FGF12: variants seen among roughly 807,000 people sequenced by gnomAD.
FGF12 encodes the protein fibroblast growth factor 12B.
A neutral mutation model predicts 23.6 loss-of-function variants in FGF12; 14 were observed. The observed-to-expected ratio is 0.59, with a 90% CI of 0.39 to 0.93. The LOEUF is 0.93. Ranked by LOEUF, FGF12 falls within the 40% of genes least tolerant of loss-of-function variation. The pLI, the probability that FGF12 is intolerant of heterozygous loss-of-function variation, is 0.00. For synonymous variants in FGF12, 62 were observed against 77.3 expected (o/e 0.80, Z 1.04); for missense variants, 175 against 217.8 (o/e 0.80, Z 1.24).
At chr3:192,578,664 CT>C (rs1247976378) in intron 2 of FGF12, among the ~76,000 whole-genome samples, 1 of 152,056 alleles carries the variant, frequency 6.6e-6, no homozygotes, top group Non-Finnish European at 1.5e-5. Context: ...CTGATCTTTA[CT>C]TGCTGGACAT....
At chr3:192,593,822 G>T (rs377367572) in intron 2 of FGF12, among the ~76,000 whole-genome samples, 1 of 151,696 alleles carries the variant, frequency 6.6e-6, no homozygotes, top group South Asian at 2.1e-4. Context: ...TGGCTCAAAC[G>T]GTAGAAGGCT....
chr3:192,555,860 A>G (rs1314881048), intron 2 of FGF12, among the ~76,000 whole-genome samples: 1 of 152,108 alleles, frequency 6.6e-6, no homozygotes, highest in Non-Finnish European at 1.5e-5. Context: ...ACGGGGAGAC[A>G]TTACAACTGA....
intron 2 of FGF12, among the ~76,000 whole-genome samples, chr3:192,511,737 A>G (rs1003138484): frequency 6.6e-6 from 1 of 152,178 alleles, no homozygotes; most frequent in African/African-American, 2.4e-5. Context: ...AAAAAGAATC[A>G]TAAGAGACCC....
At chr3:192,479,514 T>C (rs1262767960) in intron 2 of FGF12, among the ~76,000 whole-genome samples, 10 of 151,404 alleles carry the variant, frequency 6.6e-5, no homozygotes, top group Admixed American at 6.6e-5. Flanking sequence ...CCAAACAAAA[T>C]GATAAATGGA....
intron 2 of FGF12, among the ~76,000 whole-genome samples, chr3:192,427,107 G>A (rs1721710397): frequency 6.6e-6 from 1 of 152,012 alleles, no homozygotes; most frequent in African/African-American, 2.4e-5. Flanking sequence ...TGTAGGCTGG[G>A]CATGGTGGCT....
intron 2 of FGF12, among the ~76,000 whole-genome samples, chr3:192,581,692 A>G (rs1270394041): frequency 6.6e-6 from 1 of 151,986 alleles, no homozygotes; most frequent in African/African-American, 2.4e-5. Flanking sequence ...AAATGAAAAT[A>G]TTTTAGAGGA....
chr3:192,549,903 A>C (rs1213765024), intron 2 of FGF12, among the ~76,000 whole-genome samples: 1 of 152,112 alleles, frequency 6.6e-6, no homozygotes, highest in Admixed American at 6.6e-5. Flanking sequence ...CTTGGACAGA[A>C]GCTACACAAC....
chr3:192,669,602 T>TAAAAAAAAAAAAAAAAAAAA lies in FGF12; in HGVS notation c.13+57559_13+57578dup, dbSNP rs59897483. Among the ~76,000 whole-genome samples the TAAAAAAAAAAAAAAAAAAAA allele has an allele frequency of 5.9e-4, 35 of 59,526 alleles. 1 individual carries two copies. The highest frequency in any genetic ancestry group is 7.8e-4 in the Non-Finnish European group (25 of 31,930). 39.1% of individuals were successfully genotyped at this position (59,526 alleles called of 152,430 possible). ...CTGGAGACAGAGAAAGACTCTGTCT[T>TAAAAAAAAAAAAAAAAAAAA]AAAAAAAAAAAAAAAAAAAAAAAAA... is the stretch of plus-strand genomic sequence containing the variant. On this transcript the variant is annotated intron_variant, in intron 2 of 5. Transcript: ENST00000445105.
intron 5 of FGF12, among the ~76,000 whole-genome samples, chr3:192,169,835 GAA>G (rs71177351): frequency 0.076 from 10,631 of 139,734 alleles, 470 homozygotes; most frequent in African/African-American, 0.12. Context: ...GGTTTCCTCA[GAA>G]AAAAAAAAAC....
In FGF12 at chr3:192,140,346, G is replaced by A. The variant is rs1042200401; in HGVS notation, c.*3663C>T. On this transcript the variant is annotated 3_prime_UTR_variant, in exon 6 of 6. Coordinates refer to ENST00000445105, the MANE Select transcript of FGF12 (RefSeq NM_004113.6). ...ATGAGCAGGGAATTTTTATGTTTGTGTCTCATCTTGTGCAGATGAAATTAA... is the reference window on the plus strand; with the variant it reads ...ATGAGCAGGGAATTTTTATGTTTGTATCTCATCTTGTGCAGATGAAATTAA... 2 of 152,104 alleles carry A rather than the reference G, an allele frequency of 1.3e-5. No individual in the cohort carries two copies. Among genetic ancestry groups the A allele is most frequent in the Middle Eastern group, 3.4e-3 (1 of 294 alleles). 9.4% of individuals were successfully genotyped at this position (152,104 alleles called of 1,614,324 possible). A position where few individuals can be genotyped will look rare whatever the true frequency, so the allele number is the denominator to read the frequency against.
At chr3:192,719,910 G>A (rs113849392) in intron 2 of FGF12, among the ~76,000 whole-genome samples, 2 of 152,338 alleles carry the variant, frequency 1.3e-5, no homozygotes, top group African/African-American at 4.8e-5. Flanking sequence ...CTGTGTTGAG[G>A]TTTGTTCAAT....
At position 192,306,014 on chromosome 3, in the gene FGF12, A is replaced by G. The variant is rs1259539637; in HGVS notation, c.228+29347T>C. Among the ~76,000 whole-genome samples, 5 of 151,570 alleles carry G rather than the reference A, an allele frequency of 3.3e-5. No individual in the cohort carries two copies. The South Asian group carries it at 8.4e-4, about 25-fold the overall frequency. ...TAGCTGGGACTACAGGCGCCTGCCA[A>G]CACACCCGGCTAATTTTTTGTATTT... On this transcript the variant is annotated intron_variant, in intron 4 of 5. Coordinates refer to ENST00000445105, the MANE Select transcript of FGF12 (RefSeq NM_004113.6).
intron 2 of FGF12, among the ~76,000 whole-genome samples, chr3:192,692,078 C>T (rs1213595303): frequency 1.3e-5 from 2 of 152,044 alleles, no homozygotes; most frequent in African/African-American, 2.4e-5. Flanking sequence ...TTGAATTCTA[C>T]CAGACATTTA....
intron 4 of FGF12, among the ~76,000 whole-genome samples, chr3:192,189,665 C>A (rs1178788658): frequency 3.3e-5 from 5 of 152,130 alleles, no homozygotes; most frequent in Non-Finnish European, 7.4e-5. Flanking sequence ...AAAACAGCCA[C>A]ATGAAGAGGC....
At chr3:192,354,506 A>C (rs913684084) in intron 3 of FGF12, among the ~76,000 whole-genome samples, 1 of 152,156 alleles carries the variant, frequency 6.6e-6, no homozygotes, top group Non-Finnish European at 1.5e-5. Flanking sequence ...AAGGTAAATC[A>C]CAACAAAGAA....
intron 2 of FGF12, among the ~76,000 whole-genome samples, chr3:192,665,325 A>AT (rs1716825841): frequency 6.6e-6 from 1 of 152,194 alleles, no homozygotes; most frequent in African/African-American, 2.4e-5. Context: ...TGAACTACAG[A>AT]TAAGTCGAAG....
intron 2 of FGF12, among the ~76,000 whole-genome samples, chr3:192,575,586 TTG>T (rs1712838476): frequency 6.6e-6 from 1 of 152,212 alleles, no homozygotes; most frequent in Non-Finnish European, 1.5e-5. Flanking sequence ...GGCTTCCATA[TTG>T]AAGTCCTTTC....
intron 2 of FGF12, among the ~76,000 whole-genome samples, chr3:192,440,998 ATAAAT>A (rs1300050979): frequency 6.6e-6 from 1 of 152,222 alleles, no homozygotes; most frequent in Non-Finnish European, 1.5e-5. Context: ...CTTCAATCTG[ATAAAT>A]TAAATACTGT....
intron 2 of FGF12, among the ~76,000 whole-genome samples, chr3:192,382,143 T>A (rs980750882): frequency 6.6e-6 from 1 of 152,038 alleles, no homozygotes; most frequent in Non-Finnish European, 1.5e-5. Context: ...ACTACAGGCA[T>A]GTGCCAACAC....
Sources: allele counts gnomAD v4.1 joint callset (sites outside exome capture counted in the v4.1 genomes callset), GRCh38; gene constraint gnomAD v4.1.1; transcripts MANE v1.5; gene names NCBI Gene and HGNC (gene_info 2026-07-23, HGNC 2026-07-21).